The following ZNF608 variants were observed in gnomAD, a reference collection of about 807,000 sequenced individuals.
The protein encoded by ZNF608 is renal carcinoma antigen NY-REN-36.
In ZNF608, 12 loss-of-function variants were observed where a neutral mutation model predicts 109.0. The observed-to-expected ratio is 0.11, with a 90% CI of 0.07 to 0.18. The LOEUF (loss-of-function observed/expected upper bound fraction) is 0.18. Ranked by LOEUF, ZNF608 falls within the 10% of genes least tolerant of loss-of-function variation. ZNF608 has a pLI of 1.00. For missense variants in ZNF608, 1,707 were observed against 1,879.3 expected (o/e 0.91, Z 1.70); for synonymous variants, 732 against 717.4 (o/e 1.02, Z -0.33).
At chr5:124,699,369 A>G (rs886210744) in intron 3 of ZNF608, among the ~76,000 whole-genome samples, 1 of 152,188 alleles carries the variant, frequency 6.6e-6, no homozygotes, top group Non-Finnish European at 1.5e-5. Flanking sequence ...GGCTCCTCCT[A>G]CATCAGTTCC....
At position 124,716,158 on chromosome 5, in the gene ZNF608, A is replaced by AG. The variant is rs1753695473; in HGVS notation, c.907-14890_907-14889insC. Among the ~76,000 whole-genome samples, 4 of 151,252 alleles carry AG rather than the reference A, an allele frequency of 2.6e-5. No homozygotes were observed. In the South Asian group the frequency reaches 6.2e-4, roughly 24 times the overall value. On this transcript the variant is annotated intron_variant, in intron 2 of 9. Coordinates refer to ENST00000513986, the MANE Select transcript of ZNF608 (RefSeq NM_020747.3). The stretch of plus-strand genomic sequence containing the variant: ...AATCCGTCTCAAAAAAAAAAAAAAA[A>AG]AAAAAGAAAAGAAAGAAACTCTAAT...
At chr5:124,676,306 C>T (rs1342049059) in intron 3 of ZNF608, among the ~76,000 whole-genome samples, 7 of 152,172 alleles carry the variant, frequency 4.6e-5, no homozygotes, top group Admixed American at 2.0e-4. Flanking sequence ...GAAGTAGGCA[C>T]TTCTTGGAGG....
At chr5:124,679,929 T>C (rs1311004389) in intron 3 of ZNF608, among the ~76,000 whole-genome samples, 1 of 152,124 alleles carries the variant, frequency 6.6e-6, no homozygotes, top group East Asian at 1.9e-4. Context: ...CTGGTCAACA[T>C]TGAAAGAATT....
chr5:124,663,445 T>G (rs1310683503), intron 3 of ZNF608, among the ~76,000 whole-genome samples: 1 of 152,180 alleles, frequency 6.6e-6, no homozygotes, highest in Admixed American at 6.5e-5. Context: ...AAAACCTTGC[T>G]GTTCAAAGTG....
chr5:124,659,683 C>A (rs571880485), intron 3 of ZNF608, among the ~76,000 whole-genome samples: 16 of 152,274 alleles, frequency 1.1e-4, no homozygotes, highest in African/African-American at 3.9e-4. Context: ...AGCAGAGTTC[C>A]AGGTTTAAAT....
chr5:124,677,405 A>C (rs1170565483), intron 3 of ZNF608, among the ~76,000 whole-genome samples: 1 of 152,254 alleles, frequency 6.6e-6, no homozygotes, highest in Non-Finnish European at 1.5e-5. Flanking sequence ...CTGAACACAC[A>C]GTCTATGGTG....
At chr5:124,723,777 G>T (rs1338572867) in intron 2 of ZNF608, among the ~76,000 whole-genome samples, 1 of 151,782 alleles carries the variant, frequency 6.6e-6, no homozygotes, top group Non-Finnish European at 1.5e-5. Flanking sequence ...GACAAATGAA[G>T]AGATGGGAAA....
chr5:124,644,707 A>C, intron 5 of ZNF608, 46 bp from the exon 6 acceptor site: 1 of 1,493,606 alleles, frequency 6.7e-7, no homozygotes, highest in South Asian at 1.4e-5. Context: ...GATTTGTTTT[A>C]AAATTTCAAT....
chr5:124,712,199 G>C (rs889768109), intron 2 of ZNF608, among the ~76,000 whole-genome samples: 1 of 152,108 alleles, frequency 6.6e-6, no homozygotes, highest in Non-Finnish European at 1.5e-5. Flanking sequence ...TGGCACCCGT[G>C]GTGGGGTGGG....
chr5:124,648,548 T>A lies in ZNF608; in HGVS notation c.1836A>T (p.Pro612=), dbSNP rs1369599438. The part of the protein sequence containing the change: ...LSNVALECSE[P]STSVSAYDQL... ...GGTCATAAGCAGATACACTTGTGCTTGGCTCACTGCATTCAAGTGCCACAT... is the reference window on the plus strand; with the variant it reads ...GGTCATAAGCAGATACACTTGTGCTAGGCTCACTGCATTCAAGTGCCACAT... The change falls in exon 5 of 10, where the codon CCA becomes CCT. Residue 612 remains proline (P), a synonymous_variant. Coordinates refer to ENST00000513986, the MANE Select transcript of ZNF608 (RefSeq NM_020747.3). 2 of 1,614,178 alleles carry A rather than the reference T, an allele frequency of 1.2e-6. No homozygotes were observed. The highest frequency in any genetic ancestry group is 1.7e-6 in the Non-Finnish European group (2 of 1,180,030).
chr5:124,737,711 A>C (rs1397831319), intron 2 of ZNF608, among the ~76,000 whole-genome samples: 1 of 152,214 alleles, frequency 6.6e-6, no homozygotes, highest in Non-Finnish European at 1.5e-5. Flanking sequence ...AAATTTAGCA[A>C]ATATGCAAAA....
intron 3 of ZNF608, among the ~76,000 whole-genome samples, chr5:124,661,703 G>A (rs755170242): frequency 2.0e-5 from 3 of 152,176 alleles, no homozygotes; most frequent in Non-Finnish European, 4.4e-5. Flanking sequence ...CCTGCTCGGT[G>A]TCACTGCTTT....
At position 124,646,778 on chromosome 5, in the gene ZNF608, C is replaced by G. The variant is rs374132245; in HGVS notation, c.3606G>C (p.Gln1202His). 6.2e-7 allele frequency: 1 copy of G among 1,614,240 alleles called. No homozygotes were observed. The highest frequency in any genetic ancestry group is 8.5e-7 in the Non-Finnish European group (1 of 1,180,050). ...QLQADSFKAK[Q>H]MENHQLIKEA... ...CCTTAATAAGCTGGTGGTTTTCCAT[C>G]TGCTTAGCTTTGAAGCTGTCGGCCT... is the stretch of plus-strand genomic sequence containing the variant. Residue 1202 changes from glutamine (Q) to histidine (H), a missense_variant, in exon 5 of 10, where the codon CAG (glutamine) becomes CAC (histidine). Around this residue, in one of 7 missense-constraint regions of ZNF608, gnomAD observed 1,073 missense variants for 1,133.5 expected, o/e 0.95. Coordinates refer to ENST00000513986, the MANE Select transcript of ZNF608 (RefSeq NM_020747.3).
At chr5:124,644,113 G>C (rs11743931) in intron 6 of ZNF608, 131 bp downstream of exon 6, 1 of 801,430 alleles carries the variant, frequency 1.2e-6, no homozygotes, top group Non-Finnish European at 1.9e-6. Flanking sequence ...TTATCTTTGG[G>C]ACTTTAAACA....
Position 124,746,589 on chromosome 5 carries a change from C to A in ZNF608, c.-578G>T. On this transcript the variant is annotated 5_prime_UTR_variant, in exon 1 of 10. Transcript: ENST00000513986. ...CTTCAGTTCCAGACTTCAGAGTCAC[C>A]GTGATCAGTAATGATCCCATGTAGC... 2 of 985,272 alleles carry A rather than the reference C, an allele frequency of 2.0e-6. No individual in the cohort carries two copies. Among genetic ancestry groups the A allele is most frequent in the Non-Finnish European group, 2.4e-6 (2 of 829,908 alleles). The allele number at this position is 985,272 out of a possible 1,614,324, so 61.0% of individuals were successfully genotyped here.
chr5:124,651,545 A>G (rs1371517012), intron 3 of ZNF608, among the ~76,000 whole-genome samples: 2 of 152,262 alleles, frequency 1.3e-5, no homozygotes, highest in East Asian at 3.8e-4. Context: ...TCCCTGATGT[A>G]GCACAAATAT....
At chr5:124,673,243 G>C (rs2149815752) in intron 3 of ZNF608, among the ~76,000 whole-genome samples, 1 of 152,246 alleles carries the variant, frequency 6.6e-6, no homozygotes, top group Non-Finnish European at 1.5e-5. Flanking sequence ...CTCACACCAG[G>C]AGAACTTTCT....
rs528653347 is a variant in ZNF608 at position 124,672,724 on chromosome 5, G to A, written c.1163-23027C>T. 2.6e-5 allele frequency among the ~76,000 whole-genome samples: 4 copies of A among 152,306 alleles called. No individual in the cohort carries two copies. In the East Asian group the frequency reaches 5.8e-4, roughly 22 times the overall value. On this transcript the variant is annotated intron_variant, in intron 3 of 9. Transcript: ENST00000513986. Reference sequence around the variant, plus strand: ...TACCAAGCCCAGAGCTAAACCAGGGGAAAAGTGATTACCAATTAAATAGCA... The same window carrying A: ...TACCAAGCCCAGAGCTAAACCAGGGAAAAAGTGATTACCAATTAAATAGCA...
chr5:124,703,822 A>T (rs960948075), intron 2 of ZNF608, among the ~76,000 whole-genome samples: 1 of 152,128 alleles, frequency 6.6e-6, no homozygotes, highest in Non-Finnish European at 1.5e-5. Context: ...CCTAATATTG[A>T]TGACATATCC....
Sources: gnomAD v4.1 joint callset for allele counts (sites outside exome capture counted in the v4.1 genomes callset) on GRCh38, gnomAD v4.1.1 for gene constraint, gnomAD v4.1.1 regional missense constraint, MANE v1.5 for transcripts, NCBI Gene and HGNC (gene_info 2026-07-23, HGNC 2026-07-21) for gene names.